ARID1B: variants seen among roughly 807,000 people sequenced by gnomAD.
ARID1B encodes the protein AT-rich interactive domain-containing protein 1B.
ARID1B carries 30 observed loss-of-function variants against 212.3 expected under a neutral mutation model. The ratio of observed to expected loss-of-function variants is 0.14; its 90% CI spans 0.11 to 0.19. The LOEUF is 0.19. Among genes scored for constraint, ARID1B ranks in the 10% least tolerant of loss-of-function variants. The probability of loss-of-function intolerance (pLI) is 1.00; values close to 1 mark genes in which losing one functional copy is unlikely to be tolerated. For missense variants in ARID1B, 2,891 were observed against 3,204.0 expected, an observed-to-expected ratio of 0.90 and a Z score of 2.36; for synonymous variants, 1,402 against 1,301.7, an observed-to-expected ratio of 1.08 and a Z score of -1.66.
At position 156,778,982 on chromosome 6, in the gene ARID1B, A is replaced by C. The variant is rs1196439761; in HGVS notation, c.1302A>C (p.Gly434=). 3.2e-6 allele frequency: 4 copies of C among 1,262,732 alleles called. No homozygotes were observed. The highest frequency in any genetic ancestry group is 3.9e-6 in the Non-Finnish European group (4 of 1,016,298). The allele number at this position is 1,262,732 out of a possible 1,614,324, so 78.2% of individuals were successfully genotyped here. A position where few individuals can be genotyped will look rare whatever the true frequency, so the allele number is the denominator to read the frequency against. The change falls in exon 1 of 20, where the codon GGA becomes GGC. Residue 434 remains glycine (G), a synonymous_variant. Coordinates refer to ENST00000636930, the MANE Select transcript of ARID1B (RefSeq NM_001374828.1). The part of the protein sequence containing the change: ...AAAAAAAAAA[G]GGGGGGYGGS... ...CCGCGGCGGCGGCGGCAGCAGCAGG[A>C]GGCGGCGGCGGCGGCGGCTATGGGG... is the stretch of plus-strand genomic sequence containing the variant.
intron 3 of ARID1B, among the ~76,000 whole-genome samples, chr6:156,912,070 A>C (rs987169449): frequency 6.6e-6 from 1 of 152,218 alleles, no homozygotes; most frequent in African/African-American, 2.4e-5. Context: ...AATTATCTAC[A>C]TAAACATGTA....
intron 2 of ARID1B, among the ~76,000 whole-genome samples, chr6:156,899,611 G>A (rs1023685277): frequency 2.6e-5 from 4 of 151,938 alleles, no homozygotes; most frequent in African/African-American, 9.7e-5. Context: ...TATCCTCCTC[G>A]CCCCACACCC....
At chr6:156,880,915 T>C (rs1482534986) in intron 2 of ARID1B, among the ~76,000 whole-genome samples, 2 of 152,144 alleles carry the variant, frequency 1.3e-5, no homozygotes, top group African/African-American at 2.4e-5. Flanking sequence ...TCTTGTGTAA[T>C]CCATGTTCTC....
At chr6:157,056,898 CT>C (rs200338498) in intron 4 of ARID1B, among the ~76,000 whole-genome samples, 1 of 146,140 alleles carries the variant, frequency 6.8e-6, no homozygotes, top group East Asian at 2.0e-4. Flanking sequence ...AACTTTTCTT[CT>C]TTTTTTTAAA....
chr6:157,110,809 CCATGAAG>C, intron 6 of ARID1B: 1 of 554,582 alleles, frequency 1.8e-6, no homozygotes, highest in Non-Finnish European at 3.2e-6. Context: ...CCACATAGCA[CCATGAAG>C]CATGGTTCAC....
intron 1 of ARID1B, among the ~76,000 whole-genome samples, chr6:156,798,040 G>C (rs1257900939): frequency 6.6e-6 from 1 of 152,266 alleles, no homozygotes; most frequent in Non-Finnish European, 1.5e-5. Context: ...CTTCAGAGGA[G>C]TGGTCGGGAA....
chr6:156,997,813 T>C lies in ARID1B; in HGVS notation c.2247+62237T>C, dbSNP rs569855515. 2.0e-5 allele frequency among the ~76,000 whole-genome samples: 3 copies of C among 152,314 alleles called. No individual in the cohort carries two copies. The East Asian group carries it at 5.8e-4, about 29-fold the overall frequency. The stretch of plus-strand genomic sequence containing the variant: ...TATTAAGAATTGGCGTGAAACTCTG[T>C]ATACATATATTATTTCTGAAAGATT... On this transcript the variant is annotated intron_variant, in intron 4 of 19. Coordinates refer to ENST00000636930, the MANE Select transcript of ARID1B (RefSeq NM_001374828.1).
intron 2 of ARID1B, among the ~76,000 whole-genome samples, chr6:156,841,295 C>G (rs1174139932): frequency 6.6e-6 from 1 of 150,802 alleles, no homozygotes; most frequent in Non-Finnish European, 1.5e-5. Flanking sequence ...TGCATCGTAG[C>G]CCATTTCCAA....
intron 4 of ARID1B, among the ~76,000 whole-genome samples, chr6:157,049,937 C>G (rs989372804): frequency 6.6e-6 from 1 of 152,186 alleles, no homozygotes; most frequent in Non-Finnish European, 1.5e-5. Context: ...TTAACCTGCA[C>G]TTCATATCAT....
intron 4 of ARID1B, among the ~76,000 whole-genome samples, chr6:156,951,598 C>A (rs866347830): frequency 4.2e-4 from 64 of 152,086 alleles, no homozygotes; most frequent in Middle Eastern, 3.4e-3. Flanking sequence ...CGCCCGCCAC[C>A]ACGCCCAACT....
intron 4 of ARID1B, among the ~76,000 whole-genome samples, chr6:156,981,801 G>GT (rs750210791): frequency 1.9e-4 from 28 of 150,186 alleles, no homozygotes; most frequent in Non-Finnish European, 2.5e-4. Context: ...TCATTACCTC[G>GT]TTTTTTTTTC....
intron 5 of ARID1B, among the ~76,000 whole-genome samples, chr6:157,099,759 G>T (rs1308029352): frequency 6.6e-6 from 1 of 152,170 alleles, no homozygotes; most frequent in East Asian, 1.9e-4. Flanking sequence ...ACCACAGTAG[G>T]GAGGAGAGTT....
rs760419444 is a variant in ARID1B at position 156,779,258 on chromosome 6, C to T, written c.1578C>T (p.Pro526=). The T allele has an allele frequency of 2.6e-5, 31 of 1,179,678 alleles. No individual in the cohort carries two copies. In the African/African-American group the frequency reaches 4.4e-4, roughly 17 times the overall value. 73.1% of individuals were successfully genotyped at this position (1,179,678 alleles called of 1,614,324 possible). ...GCAGCTACCCCGAGTACAGCAGCCC[C>T]AGCGCGCCGCCGCCGCCGCCGTCGC... The part of the protein sequence containing the change: ...YGGSYPEYSS[P]SAPPPPPSQP... The change falls in exon 1 of 20, where the codon CCC becomes CCT. Residue 526 remains proline, a synonymous_variant. Coordinates refer to ENST00000636930, the MANE Select transcript of ARID1B (RefSeq NM_001374828.1).
intron 4 of ARID1B, among the ~76,000 whole-genome samples, chr6:156,962,931 G>A (rs1168451921): frequency 7.4e-6 from 1 of 134,720 alleles, no homozygotes; most frequent in Non-Finnish European, 1.6e-5. Flanking sequence ...ACAGGCGTGC[G>A]CCACCACGGC....
rs903798643 is a variant in ARID1B, at chr6:157,148,047, A to AAAAG, written c.2762-561_2762-558dup. Among the ~76,000 whole-genome samples the AAAAG allele has an allele frequency of 9.9e-5, 15 of 151,202 alleles. No homozygotes were observed. The highest frequency in any genetic ancestry group is 7.9e-4 in the East Asian group (4 of 5,078). ...CTGCTCGATCTGGTACTCAAGCAAA[A>AAAAG]AAAGAAAGAAAGAAAGAAAAATATT... On this transcript the variant is annotated intron_variant, in intron 7 of 19. Coordinates refer to ENST00000636930, the MANE Select transcript of ARID1B (RefSeq NM_001374828.1). This position sits in a 1 kb window ranked among gnomAD's most constrained non-coding sequence, Gnocchi z 5.6.
intron 6 of ARID1B, among the ~76,000 whole-genome samples, chr6:157,124,711 G>A (rs1788018504): frequency 6.6e-6 from 1 of 151,932 alleles, no homozygotes; most frequent in Non-Finnish European, 1.5e-5. Flanking sequence ...TATGTGAATA[G>A]TATATGTAAG....
intron 4 of ARID1B, among the ~76,000 whole-genome samples, chr6:157,032,299 T>A (rs1470487969): frequency 6.6e-6 from 1 of 152,252 alleles, no homozygotes; most frequent in Non-Finnish European, 1.5e-5. Context: ...TTTTCATGAT[T>A]ATTAATGCTC....
In ARID1B at chr6:157,206,580, T is replaced by C; in HGVS notation, c.5808T>C (p.Asn1936=). 5.6e-6 allele frequency: 9 copies of C among 1,614,144 alleles called. No individual in the cohort carries two copies. The highest frequency in any genetic ancestry group is 7.6e-6 in the Non-Finnish European group (9 of 1,180,024). The change falls in exon 20 of 20, where the codon AAT becomes AAC. Residue 1936 remains asparagine, a synonymous_variant. Transcript: ENST00000636930. This position sits in a 1 kb window ranked among gnomAD's most constrained non-coding sequence, Gnocchi z 6.8. ...AGTTGGGGCGTGTGCAGGAGTTCAA[T>C]AGTGGCCTTCTGCACTGGCAGCTCG... is the stretch of plus-strand genomic sequence containing the variant. ...SDKLGRVQEF[N]SGLLHWQLGG...
At chr6:156,870,435 T>C (rs1030877805) in intron 2 of ARID1B, 3 of 152,354 alleles carry the variant, frequency 2.0e-5, no homozygotes, top group African/African-American at 7.2e-5. Context: ...AGCCTGGTGC[T>C]AGAGGCCAGG....
Sources: gnomAD v4.1 joint callset for allele counts (sites outside exome capture counted in the v4.1 genomes callset) on GRCh38, gnomAD v4.1.1 for gene constraint, Gnocchi (gnomAD v3.1) non-coding constraint, MANE v1.5 for transcripts, NCBI Gene and HGNC (gene_info 2026-07-23, HGNC 2026-07-21) for gene names.